The following CRNKL1 variants were observed in gnomAD, a reference collection of about 807,000 sequenced individuals.
The protein encoded by CRNKL1 is crooked neck-like protein 1.
CRNKL1 carries 35 observed loss-of-function variants against 103.7 expected under a neutral mutation model. The observed-to-expected ratio is 0.34, with a 90% CI of 0.26 to 0.45. The LOEUF (loss-of-function observed/expected upper bound fraction) is 0.45. Among genes scored for constraint, CRNKL1 ranks in the 20% least tolerant of loss-of-function variants. CRNKL1 has a pLI of 1.00. For synonymous variants in CRNKL1, 267 were observed against 282.6 expected (o/e 0.94, Z 0.55); for missense variants, 645 against 836.0 (o/e 0.77, Z 2.82).
intron 3 of CRNKL1, 29 bp from the exon 4 acceptor site, chr20:20,048,530 A>G (rs780990186): frequency 6.2e-7 from 1 of 1,610,972 alleles, no homozygotes; most frequent in Admixed American, 1.7e-5. Flanking sequence ...CAGGGCATCA[A>G]AAATAGAGCA....
rs1429213401 is a variant in CRNKL1 at position 20,034,752 on chromosome 20, G to GAT, written c.*1441_*1442dup. 1 of 152,196 alleles carries GAT rather than the reference G, an allele frequency of 6.6e-6. No homozygotes were observed. The highest frequency in any genetic ancestry group is 1.5e-5 in the Non-Finnish European group (1 of 68,042). 9.4% of individuals were successfully genotyped at this position (152,196 alleles called of 1,614,324 possible). A position where few individuals can be genotyped will look rare whatever the true frequency, so the allele number is the denominator to read the frequency against. On this transcript the variant is annotated 3_prime_UTR_variant, in exon 14 of 14. Transcript: ENST00000536226. ...GACTAAAGCAGTCAGGCTGAAAACA[G>GAT]ATTTTATCTCAACAACAGTCCTAGT... is the stretch of plus-strand genomic sequence containing the variant.
At chr20:20,041,162 G>T (rs1366431833) in intron 9 of CRNKL1, among the ~76,000 whole-genome samples, 1 of 152,204 alleles carries the variant, frequency 6.6e-6, no homozygotes, top group Non-Finnish European at 1.5e-5. Context: ...AACACGTTTT[G>T]TTTCTCGTGC....
intron 2 of CRNKL1, among the ~76,000 whole-genome samples, chr20:20,050,165 G>A (rs933841018): frequency 2.6e-5 from 4 of 152,208 alleles, no homozygotes; most frequent in Non-Finnish European, 5.9e-5. Context: ...AGTACACAGT[G>A]CAGCCTTACT....
rs1476093924 is a variant in CRNKL1, at chr20:20,047,837, C to T, written c.550G>A (p.Ala184Thr). Residue 184 changes from alanine to threonine, a missense_variant, in exon 5 of 14, where the codon GCC becomes ACC. This residue lies in a region of CRNKL1 where 582 missense variants were observed against 707.7 expected (regional missense o/e 0.82). Transcript: ENST00000536226. ...TCAAAGTTGATGTAGGAGTGCCAGG[C>T]TTGCTCCTCAGGCTGCCACTCCATC... is the stretch of plus-strand genomic sequence containing the variant. ...RWMEWQPEEQ[A>T]WHSYINFELR... 7 of 1,614,132 alleles carry T rather than the reference C, an allele frequency of 4.3e-6. No individual in the cohort carries two copies. Among genetic ancestry groups the T allele is most frequent in the Non-Finnish European group, 5.9e-6 (7 of 1,180,050 alleles).
chr20:20,035,976 A>G lies in CRNKL1; in HGVS notation c.*219T>C. 2.0e-6 allele frequency: 1 copy of G among 503,100 alleles called. No homozygotes were observed. Among genetic ancestry groups the G allele is most frequent in the Non-Finnish European group, 3.5e-6 (1 of 285,802 alleles). 31.2% of individuals were successfully genotyped at this position (503,100 alleles called of 1,614,324 possible). Reference sequence around the variant, plus strand: ...GTGGACAGACATTAGAAAAGTTTGGACTCAGTTGGAAAAACAAATCCAGCA... The same window carrying G: ...GTGGACAGACATTAGAAAAGTTTGGGCTCAGTTGGAAAAACAAATCCAGCA... On this transcript the variant is annotated 3_prime_UTR_variant, in exon 14 of 14. Transcript: ENST00000536226.
upstream of CRNKL1, among the ~76,000 whole-genome samples, chr20:20,055,298 GAATGCCAT>G (rs1356164624): frequency 2.0e-5 from 3 of 152,262 alleles, no homozygotes; most frequent in East Asian, 5.8e-4. Context: ...GTGTGGACTA[GAATGCCAT>G]ACCCACTTTA....
chr20:20,045,603 T>G, intron 5 of CRNKL1, 117 bp from the exon 6 acceptor site: 6 of 872,876 alleles, frequency 6.9e-6, no homozygotes, highest in Non-Finnish European at 1.0e-5. Flanking sequence ...ACTACAACTC[T>G]AGGGGAACAA....
chr20:20,043,071 T>C (rs538418325), intron 7 of CRNKL1, among the ~76,000 whole-genome samples: 2 of 152,266 alleles, frequency 1.3e-5, no homozygotes, highest in South Asian at 4.1e-4. Flanking sequence ...AATAGTACAT[T>C]ACAGAAAAAG....
chr20:20,043,631 G>A lies in CRNKL1; in HGVS notation c.833C>T (p.Ala278Val), dbSNP rs1442611958. 6.2e-7 allele frequency: 1 copy of A among 1,613,894 alleles called. No individual in the cohort carries two copies. Residue 278 changes from alanine to valine, a missense_variant, in exon 7 of 14, where the codon GCC (alanine) becomes GTC (valine). Transcript: ENST00000536226. ...FERVRVIYKY[A>V]LDRISKQDAQ... ...ATCTTGTTTTGAAATTCTGTCCAGGGCATACTTGTAAATCACTCGTACCCT... is the reference window on the plus strand; with the variant it reads ...ATCTTGTTTTGAAATTCTGTCCAGGACATACTTGTAAATCACTCGTACCCT...
Position 20,042,504 on chromosome 20 carries a change from T to C in CRNKL1, c.985A>G (p.Asn329Asp), listed in dbSNP as rs1026870452. The change falls in exon 8 of 14, where the codon AAT (asparagine) becomes GAT (aspartate). Residue 329 changes from asparagine (N) to aspartate (D), a missense_variant. Coordinates refer to ENST00000536226, the MANE Select transcript of CRNKL1 (RefSeq NM_001278628.2). The part of the protein sequence containing the change: ...YEEEVKANPH[N>D]YDAWFDYLRL... ...AAGTAATCAAACCATGCATCATAATTGTGTGGATTCGCCTAGAAAGACAAC... is the reference window on the plus strand; with the variant it reads ...AAGTAATCAAACCATGCATCATAATCGTGTGGATTCGCCTAGAAAGACAAC... 5.6e-6 allele frequency: 9 copies of C among 1,607,160 alleles called. No homozygotes were observed. Among genetic ancestry groups the C allele is most frequent in the Non-Finnish European group, 7.6e-6 (9 of 1,177,118 alleles).
chr20:20,036,143 TC>T lies in CRNKL1; in HGVS notation c.*51del, dbSNP rs1237128054. On this transcript the variant is annotated 3_prime_UTR_variant, in exon 14 of 14. Coordinates refer to ENST00000536226, the MANE Select transcript of CRNKL1 (RefSeq NM_001278628.2). Reference sequence around the variant, plus strand: ...AAGAACTTCCAGGAGTCACAAGAGTTCCAAACAATTAATTTATAAAAATAAC... The same window carrying T: ...AAGAACTTCCAGGAGTCACAAGAGTTCAAACAATTAATTTATAAAAATAAC... 8.9e-6 allele frequency: 14 copies of T among 1,574,314 alleles called. No homozygotes were observed. The highest frequency in any genetic ancestry group is 1.1e-5 in the Non-Finnish European group (13 of 1,154,552).
chr20:20,046,372 T>C (rs977056038), intron 5 of CRNKL1, among the ~76,000 whole-genome samples: 1 of 152,202 alleles, frequency 6.6e-6, no homozygotes, highest in African/African-American at 2.4e-5. Flanking sequence ...AAACTAATAA[T>C]ATTAAAATTA....
intron 5 of CRNKL1, among the ~76,000 whole-genome samples, chr20:20,046,291 T>C (rs2043593372): frequency 6.6e-6 from 1 of 152,178 alleles, no homozygotes; most frequent in Non-Finnish European, 1.5e-5. Context: ...GTTATGAGGA[T>C]TAAACAACAA....
chr20:20,053,844 T>G (rs555346912), upstream of CRNKL1, among the ~76,000 whole-genome samples: 22 of 152,242 alleles, frequency 1.4e-4, no homozygotes, highest in African/African-American at 5.3e-4. Flanking sequence ...TCCTTAAATG[T>G]GTTACTGTAA....
Position 20,034,991 on chromosome 20 carries a change from G to A in CRNKL1, c.*1204C>T, listed in dbSNP as rs921414779. 6.6e-6 allele frequency: 1 copy of A among 152,060 alleles called. No homozygotes were observed. Among genetic ancestry groups the A allele is most frequent in the African/African-American group, 2.4e-5 (1 of 41,344 alleles). The allele number at this position is 152,060 out of a possible 1,614,324, so 9.4% of individuals were successfully genotyped here. On this transcript the variant is annotated 3_prime_UTR_variant, in exon 14 of 14. Transcript: ENST00000536226. ...AAATGTGCTTGAGAAACACAGTCCA[G>A]GTTAAAGGAAAACTCTCAGATCGGT...
rs2043481944 is a variant in CRNKL1, at chr20:20,039,739, A to G, written c.1415T>C (p.Leu472Pro). 1 of 1,614,126 alleles carries G rather than the reference A, an allele frequency of 6.2e-7. No individual in the cohort carries two copies. Among genetic ancestry groups the G allele is most frequent in the South Asian group, 1.1e-5 (1 of 91,086 alleles). ...GGTACAATTTTCAGGTCCAAATTCCAGGAACTTTTCATAAAGCTTCCGGCA... is the reference window on the plus strand; with the variant it reads ...GGTACAATTTTCAGGTCCAAATTCCGGGAACTTTTCATAAAGCTTCCGGCA... ...DRCRKLYEKF[L>P]EFGPENCTSW... The change falls in exon 11 of 14, where the codon CTG becomes CCG. Residue 472 changes from leucine to proline, a missense_variant. By Grantham distance (98) the Leu-to-Pro change is moderately conservative. Coordinates refer to ENST00000536226, the MANE Select transcript of CRNKL1 (RefSeq NM_001278628.2).
chr20:20,049,029 ATTTT>A (rs937457612), intron 3 of CRNKL1, among the ~76,000 whole-genome samples: 1 of 111,498 alleles, frequency 9.0e-6, no homozygotes, highest in Non-Finnish European at 1.6e-5. Flanking sequence ...CATTGGTTTT[ATTTT>A]TTTTGGCCAT....
chr20:20,053,345 C>T (rs1310714690), upstream of CRNKL1, among the ~76,000 whole-genome samples: 2 of 152,184 alleles, frequency 1.3e-5, no homozygotes, highest in African/African-American at 2.4e-5. Context: ...TGTACCTCTT[C>T]CCTCCTCTAA....
At chr20:20,036,597 C>T (rs2057061902) in intron 13 of CRNKL1, among the ~76,000 whole-genome samples, 1 of 152,240 alleles carries the variant, frequency 6.6e-6, no homozygotes, top group African/African-American at 2.4e-5. Context: ...AGCACAGCTC[C>T]TCTATAGCCA....
Sources: allele counts gnomAD v4.1 joint callset (sites outside exome capture counted in the v4.1 genomes callset), GRCh38; gene constraint gnomAD v4.1.1; regional missense constraint gnomAD v4.1.1; transcripts MANE v1.5; gene names NCBI Gene and HGNC (gene_info 2026-07-23, HGNC 2026-07-21).